Variants in TRHDE observed in about 807,000 individuals in gnomAD.
The protein encoded by TRHDE is thyrotropin releasing hormone degrading enzyme, also known as thyrotropin-releasing hormone-degrading ectoenzyme.
In TRHDE, 72 loss-of-function variants were observed where a neutral mutation model predicts 125.7. The ratio of observed to expected loss-of-function variants is 0.57; its 90% CI spans 0.47 to 0.70. The LOEUF (loss-of-function observed/expected upper bound fraction) is 0.70. TRHDE is among the 30% of genes least tolerant of loss of function. The pLI, the probability that TRHDE is intolerant of heterozygous loss-of-function variation, is 0.00. For missense variants in TRHDE, 1,110 were observed against 1,327.1 expected (o/e 0.84, Z 2.54); for synonymous variants, 509 against 509.1 (o/e 1.00, Z 0.00).
chr12:72,144,652 G>C (rs558472206), intron 2 of TRHDE, among the ~76,000 whole-genome samples: 2 of 152,102 alleles, frequency 1.3e-5, no homozygotes, highest in South Asian at 2.1e-4. Flanking sequence ...CATCTTCCTT[G>C]TTCCAAATTG....
chr12:72,658,439 G>A (rs191479453), intron 18 of TRHDE, among the ~76,000 whole-genome samples: 2 of 152,036 alleles, frequency 1.3e-5, no homozygotes, highest in Non-Finnish European at 2.9e-5. Context: ...TGCTTCCTTC[G>A]TTCTCTGTGC....
chr12:72,214,482 T>C (rs182614445), intron 2 of TRHDE, among the ~76,000 whole-genome samples: 1 of 152,296 alleles, frequency 6.6e-6, no homozygotes, highest in Admixed American at 6.5e-5. Context: ...TTTTCTGAGG[T>C]CATGAATTTG....
chr12:72,586,832 A>G (rs1007333714), intron 12 of TRHDE, among the ~76,000 whole-genome samples: 1 of 151,976 alleles, frequency 6.6e-6, no homozygotes, highest in Non-Finnish European at 1.5e-5. Context: ...GGAAGAAAAT[A>G]TTGTTAGTCT....
intron 18 of TRHDE, among the ~76,000 whole-genome samples, chr12:72,659,814 T>G (rs1392687510): frequency 1.3e-5 from 2 of 152,104 alleles, no homozygotes; most frequent in East Asian, 3.9e-4. Context: ...GAAAACACAA[T>G]TTAAAACAAA....
intron 6 of TRHDE, among the ~76,000 whole-genome samples, chr12:72,513,165 C>A (rs1878682592): frequency 6.6e-6 from 1 of 152,042 alleles, no homozygotes; most frequent in Non-Finnish European, 1.5e-5. Flanking sequence ...TCACTATTTC[C>A]TTTTCGTGTG....
chr12:72,453,241 T>C (rs1875668167), intron 3 of TRHDE, among the ~76,000 whole-genome samples: 1 of 152,184 alleles, frequency 6.6e-6, no homozygotes, highest in Admixed American at 6.5e-5. Context: ...ACAGATTTAT[T>C]GGGAGCTGGA....
Position 72,520,285 on chromosome 12 carries a change from T to C in TRHDE, c.1722+20650T>C, listed in dbSNP as rs371868551. ...TGATCTCAGACTGCTGTGCTAGCAA[T>C]CAGCGAGACTCCGTGGGCGTAAGAC... On this transcript the variant is annotated intron_variant, in intron 6 of 18. Transcript: ENST00000261180. Among the ~76,000 whole-genome samples, 246 of 152,294 alleles carry C rather than the reference T, an allele frequency of 1.6e-3. 2 individuals carry two copies. The highest frequency in any genetic ancestry group is 5.8e-3 in the African/African-American group (240 of 41,566).
intron 2 of TRHDE, among the ~76,000 whole-genome samples, chr12:72,204,748 A>C (rs1272965558): frequency 6.6e-6 from 1 of 152,226 alleles, no homozygotes; most frequent in Non-Finnish European, 1.5e-5. Flanking sequence ...GATAATACCA[A>C]AATGTATGCT....
chr12:72,450,111 G>A (rs774500558), intron 3 of TRHDE, among the ~76,000 whole-genome samples: 53 of 152,002 alleles, frequency 3.5e-4, no homozygotes, highest in Non-Finnish European at 7.5e-4. Flanking sequence ...CAAAATATCA[G>A]TCAGATAGGA....
Position 72,608,925 on chromosome 12 carries a change from G to T in TRHDE, c.2322-9966G>T, listed in dbSNP as rs538307334. Among the ~76,000 whole-genome samples the T allele has an allele frequency of 6.6e-5, 10 of 152,270 alleles. No homozygotes were observed. In the East Asian group the frequency reaches 1.7e-3, roughly 26 times the overall value. ...TTATTTGCAATATGAACCTGGGGGG[G>T]TTAGAAAACTTTTTTGAGCCTCAAT... On this transcript the variant is annotated intron_variant, in intron 12 of 18. Transcript: ENST00000261180.
intron 4 of TRHDE, among the ~76,000 whole-genome samples, chr12:72,470,476 G>A (rs1306465143): frequency 6.6e-6 from 1 of 152,138 alleles, no homozygotes; most frequent in Non-Finnish European, 1.5e-5. Flanking sequence ...TTGTAGTGAA[G>A]CTAAGATAAA....
Position 72,637,982 on chromosome 12 carries a change from C to T in TRHDE, c.2676-14340C>T, listed in dbSNP as rs367816452. Among the ~76,000 whole-genome samples, 140 of 151,718 alleles carry T rather than the reference C, an allele frequency of 9.2e-4. 1 individual carries two copies. The highest frequency in any genetic ancestry group is 2.8e-3 in the African/African-American group (114 of 41,322). On this transcript the variant is annotated intron_variant, in intron 15 of 18. Coordinates refer to ENST00000261180, the MANE Select transcript of TRHDE (RefSeq NM_013381.3). ...GTGCTGAAAAAAATGTATATTCTGT[C>T]GATTTGGGGTGGAGAGTTCTGTAGA...
At chr12:72,335,051 C>T (rs1254068920) in intron 2 of TRHDE, among the ~76,000 whole-genome samples, 1 of 152,188 alleles carries the variant, frequency 6.6e-6, no homozygotes, top group African/African-American at 2.4e-5. Context: ...AAGTTCTTAC[C>T]TCTGGCCACA....
intron 4 of TRHDE, among the ~76,000 whole-genome samples, chr12:72,471,398 G>C (rs1359853903): frequency 1.3e-5 from 2 of 152,142 alleles, no homozygotes; most frequent in Non-Finnish European, 2.9e-5. Context: ...TCCTATAAAT[G>C]ACAAGTTAGA....
chr12:72,407,979 GAA>G (rs1339747721), intron 3 of TRHDE, among the ~76,000 whole-genome samples: 1 of 152,150 alleles, frequency 6.6e-6, no homozygotes, highest in Admixed American at 6.5e-5. Flanking sequence ...AATTCATAAA[GAA>G]ATATTTATGT....
chr12:72,290,053 G>A (rs1342766888), intron 2 of TRHDE, among the ~76,000 whole-genome samples: 2 of 152,204 alleles, frequency 1.3e-5, no homozygotes, highest in Non-Finnish European at 2.9e-5. Flanking sequence ...TTCACGAATT[G>A]CTTTGATTGA....
chr12:72,222,790 T>C (rs989561253), intron 2 of TRHDE, among the ~76,000 whole-genome samples: 2 of 152,066 alleles, frequency 1.3e-5, no homozygotes, highest in African/African-American at 2.4e-5. Flanking sequence ...CTAAGGAGAA[T>C]AGGAGAAATT....
At chr12:72,105,261 G>A (rs1293193298) in intron 1 of TRHDE, among the ~76,000 whole-genome samples, 1 of 152,148 alleles carries the variant, frequency 6.6e-6, no homozygotes, top group African/African-American at 2.4e-5. Flanking sequence ...GTGGGGCATG[G>A]CTCAAGTGGT....
At chr12:72,556,350 A>G (rs1230462470) in intron 7 of TRHDE, among the ~76,000 whole-genome samples, 1 of 152,232 alleles carries the variant, frequency 6.6e-6, no homozygotes, top group Non-Finnish European at 1.5e-5. Flanking sequence ...AGCCCATTGA[A>G]TCATTGGGAA....
Sources: allele counts gnomAD v4.1 joint callset (sites outside exome capture counted in the v4.1 genomes callset), GRCh38; gene constraint gnomAD v4.1.1; transcripts MANE v1.5; gene names NCBI Gene and HGNC (gene_info 2026-07-23, HGNC 2026-07-21).